The following AKAP14 variants were observed in gnomAD, a reference collection of about 807,000 sequenced individuals.
The protein encoded by AKAP14 is A-kinase anchoring protein 14.
Under a neutral mutation model 17.0 loss-of-function variants are expected in AKAP14, and 4 were observed. The observed-to-expected ratio is 0.23, with a 90% confidence interval of 0.12 to 0.54. The LOEUF (loss-of-function observed/expected upper bound fraction) is 0.54, where lower values mean the gene tolerates loss of function less well. Ranked by LOEUF, AKAP14 falls within the 20% of genes least tolerant of loss-of-function variation. The pLI is 0.95. For synonymous variants in AKAP14, 42 were observed against 51.3 expected, an observed-to-expected ratio of 0.82 and a Z score of 0.77; for missense variants, 129 against 150.9, an observed-to-expected ratio of 0.85 and a Z score of 0.76.
At chrX:119,916,433 A>AATCTATCT (rs66480348) in intron 5 of AKAP14, among the ~76,000 whole-genome samples, 81 of 99,166 alleles carry the variant, frequency 8.2e-4, no homozygotes, top group Middle Eastern at 5.3e-3. Flanking sequence ...CTGCCTATCT[A>AATCTATCT]ATCTATCTAT....
chrX:119,910,542 T>C (rs1304108605), intron 4 of AKAP14, among the ~76,000 whole-genome samples: 1 of 112,199 alleles, frequency 8.9e-6, no homozygotes, highest in Non-Finnish European at 1.9e-5. Flanking sequence ...GGATGCATTT[T>C]GACTTCTGTG....
chrX:119,896,800 CTTTTCTTT>C (rs1302127641), intron 2 of AKAP14, among the ~76,000 whole-genome samples: 7 of 88,637 alleles, frequency 7.9e-5, no homozygotes, highest in African/African-American at 2.9e-4. Flanking sequence ...ATTTTCTTTT[CTTTTCTTT>C]TTTTCTTTTT....
intron 4 of AKAP14, among the ~76,000 whole-genome samples, chrX:119,912,634 G>A (rs900463369): frequency 2.8e-5 from 3 of 109,084 alleles, no homozygotes; most frequent in Admixed American, 1.0e-4. Flanking sequence ...CAAGTGATCC[G>A]CTCACCTCGG....
rs746300300 is a variant in AKAP14 at position 119,903,472 on chromosome X, G to A, written c.170-23G>A. 7 of 1,209,887 alleles carry A rather than the reference G, an allele frequency of 5.8e-6. No homozygotes were observed. The Admixed American group carries it at 6.6e-5, about 11-fold the overall frequency. ...AGCACCACACTACCTGGCAACTAAC[G>A]AACTCACACCTTTTTTTTGCAGAGG... On this transcript the variant is annotated intron_variant, in intron 3 of 6. Coordinates refer to ENST00000371431, the MANE Select transcript of AKAP14 (RefSeq NM_178813.6).
Position 119,903,821 on chromosome X carries a change from A to C in AKAP14, c.261+235A>C, listed in dbSNP as rs1304979522. 3.6e-5 allele frequency among the ~76,000 whole-genome samples: 4 copies of C among 111,785 alleles called. No individual in the cohort carries two copies. The Admixed American group carries it at 3.8e-4, about 11-fold the overall frequency. On this transcript the variant is annotated intron_variant, in intron 4 of 6. Coordinates refer to ENST00000371431, the MANE Select transcript of AKAP14 (RefSeq NM_178813.6). Reference sequence around the variant, plus strand: ...TGTGTCTGTATCATTCTAACCTTACATTTCCCTGGGAAAATCTGCTCTTCC... The same window carrying C: ...TGTGTCTGTATCATTCTAACCTTACCTTTCCCTGGGAAAATCTGCTCTTCC...
chrX:119,916,362 G>A (rs765049180), intron 5 of AKAP14, among the ~76,000 whole-genome samples: 1 of 110,770 alleles, frequency 9.0e-6, no homozygotes, highest in African/African-American at 3.3e-5. Context: ...TTACAGGCGT[G>A]AGCCACCACA....
chrX:119,897,280 C>A (rs1250681463), intron 2 of AKAP14, among the ~76,000 whole-genome samples: 1 of 110,127 alleles, frequency 9.1e-6, no homozygotes, highest in Non-Finnish European at 1.9e-5. Flanking sequence ...CTGCCTCAGA[C>A]CCCCAAGTAG....
intron 2 of AKAP14, 22 bp downstream of exon 2, chrX:119,896,289 G>C (rs1371518440): frequency 1.5e-4 from 16 of 108,935 alleles, no homozygotes. Context: ...TCTCCGGGGT[G>C]GGGGAGTCCA....
chrX:119,907,129 ATTT>A (rs200883865), intron 4 of AKAP14, among the ~76,000 whole-genome samples: 2 of 98,796 alleles, frequency 2.0e-5, no homozygotes, highest in African/African-American at 7.3e-5. Context: ...TGTCTGTCTG[ATTT>A]TTTTTTTTTT....
Position 119,914,771 on chromosome X carries a change from C to T in AKAP14, c.334C>T (p.Leu112Phe). 8.3e-7 allele frequency: 1 copy of T among 1,209,996 alleles called. No individual in the cohort carries two copies. Among genetic ancestry groups the T allele is most frequent in the South Asian group, 1.8e-5 (1 of 56,928 alleles). The change falls in exon 5 of 7, where the codon CTC becomes TTC. Residue 112 changes from leucine (L) to phenylalanine (F), a missense_variant. Transcript: ENST00000371431. ...VERKDLIHSFLYIYYVHWSIS... is the reference protein window; with the variant it reads ...VERKDLIHSFFYIYYVHWSIS... ...GAGGAAAGACTTAATTCACAGCTTC[C>T]TCTACATCTACTATGTACACTGGAG...
At position 119,896,837 on chromosome X, in the gene AKAP14, G is replaced by A. The variant is rs1403715147; in HGVS notation, c.-11+570G>A. 3.6e-5 allele frequency among the ~76,000 whole-genome samples: 3 copies of A among 82,501 alleles called. No homozygotes were observed. In the East Asian group the frequency reaches 1.3e-3, roughly 35 times the overall value. 71.6% of individuals were successfully genotyped at this position (82,501 alleles called of 115,157 possible). On this transcript the variant is annotated intron_variant, in intron 2 of 6. Transcript: ENST00000371431. ...TCTTTTTTTTTTTTTTTGAGACAGA[G>A]TCTCGCTCTGTCGCCTAGGCTGGAG... is the stretch of plus-strand genomic sequence containing the variant.
At chrX:119,912,497 GGAAGGAAA>G (rs2056632878) in intron 4 of AKAP14, among the ~76,000 whole-genome samples, 1 of 109,180 alleles carries the variant, frequency 9.2e-6, no homozygotes, top group South Asian at 4.0e-4. Flanking sequence ...GATTAAGGAA[GGAAGGAAA>G]GAAGGAAAGA....
At chrX:119,902,372 C>T (rs755296593) in intron 2 of AKAP14, among the ~76,000 whole-genome samples, 8 of 110,983 alleles carry the variant, frequency 7.2e-5, no homozygotes, top group Non-Finnish European at 1.3e-4. Flanking sequence ...CCGCGCCGGG[C>T]CTTTATATTT....
intron 2 of AKAP14, among the ~76,000 whole-genome samples, chrX:119,901,717 A>C (rs1233630473): frequency 9.6e-6 from 1 of 104,268 alleles, no homozygotes; most frequent in Non-Finnish European, 2.0e-5. Context: ...AAAAAAAAAA[A>C]AACACTATCT....
intron 3 of AKAP14, 44 bp downstream of exon 3, chrX:119,903,436 AGTC>A: frequency 8.3e-7 from 1 of 1,210,527 alleles, no homozygotes; most frequent in Non-Finnish European, 1.1e-6. Flanking sequence ...TTGTCTATAT[AGTC>A]TAAATATAGC....
chrX:119,900,083 C>G (rs1215147053), intron 2 of AKAP14, among the ~76,000 whole-genome samples: 2 of 109,349 alleles, frequency 1.8e-5, no homozygotes, highest in Non-Finnish European at 3.8e-5. Context: ...TGCTGGCCAC[C>G]ATGCCAGTCC....
intron 4 of AKAP14, among the ~76,000 whole-genome samples, chrX:119,911,135 G>A (rs952530068): frequency 1.9e-5 from 2 of 105,924 alleles, no homozygotes; most frequent in African/African-American, 6.8e-5. Context: ...GGCAGATCAC[G>A]TGAGGTCAGG....
intron 4 of AKAP14, among the ~76,000 whole-genome samples, chrX:119,904,006 C>T (rs774276381): frequency 9.0e-6 from 1 of 111,324 alleles, no homozygotes; most frequent in East Asian, 2.8e-4. Flanking sequence ...TGCAGGGGCT[C>T]GATCCTAGCT....
intron 2 of AKAP14, among the ~76,000 whole-genome samples, chrX:119,897,945 C>T (rs1317047615): frequency 3.6e-5 from 4 of 111,965 alleles, no homozygotes; most frequent in African/African-American, 1.3e-4. Flanking sequence ...CCAGCCTGGC[C>T]AACATGGTAA....
Sources: gnomAD v4.1 joint callset for allele counts (sites outside exome capture counted in the v4.1 genomes callset) on GRCh38, gnomAD v4.1.1 for gene constraint, MANE v1.5 for transcripts, NCBI Gene and HGNC (gene_info 2026-07-23, HGNC 2026-07-21) for gene names.